CADM2: variants seen among roughly 807,000 people sequenced by gnomAD.
CADM2 encodes the protein cell adhesion molecule 2.
CADM2 carries 12 observed loss-of-function variants against 49.8 expected under a neutral mutation model. That is an observed-to-expected ratio of 0.24 (90% CI 0.15 to 0.39). The LOEUF is 0.39. Among genes scored for constraint, CADM2 ranks in the 10% least tolerant of loss-of-function variants. The pLI is 1.00. For missense variants in CADM2, 378 were observed against 492.3 expected, an observed-to-expected ratio of 0.77 and a Z score of 2.20; for synonymous variants, 214 against 175.4, an observed-to-expected ratio of 1.22 and a Z score of -1.74.
chr3:84,982,447 G>T (rs1023303019), intron 1 of CADM2, among the ~76,000 whole-genome samples: 1 of 151,632 alleles, frequency 6.6e-6, no homozygotes, highest in Non-Finnish European at 1.5e-5. Context: ...AAAAACCTAA[G>T]ATCAGTATTT....
intron 7 of CADM2, 56 bp from the exon 8 acceptor site, chr3:85,961,413 A>G: frequency 1.5e-6 from 2 of 1,358,350 alleles, no homozygotes; most frequent in Non-Finnish European, 2.0e-6. Flanking sequence ...TACTAAATTT[A>G]CACATATTTA....
At chr3:85,979,346 T>C in intron 8 of CADM2, 1 of 1,553,968 alleles carries the variant, frequency 6.4e-7, no homozygotes, top group East Asian at 2.3e-5. Context: ...TAGAAGTTTT[T>C]AGAAAGGTTA....
chr3:85,430,938 C>A (rs561270375), intron 1 of CADM2, among the ~76,000 whole-genome samples: 15 of 151,936 alleles, frequency 9.9e-5, no homozygotes, highest in African/African-American at 2.9e-4. Context: ...AAAATAGGAA[C>A]GATGTGATTA....
chr3:85,005,778 G>T (rs1042417111), intron 1 of CADM2, among the ~76,000 whole-genome samples: 18 of 151,666 alleles, frequency 1.2e-4, no homozygotes, highest in Non-Finnish European at 2.4e-4. Flanking sequence ...GGGCACTCTT[G>T]TTATTTTTCT....
At chr3:85,853,176 A>T (rs996844589) in intron 3 of CADM2, among the ~76,000 whole-genome samples, 2 of 151,930 alleles carry the variant, frequency 1.3e-5, no homozygotes, top group Non-Finnish European at 2.9e-5. Flanking sequence ...GAAGTTCTAG[A>T]TGACTGAGCA....
intron 1 of CADM2, among the ~76,000 whole-genome samples, chr3:85,209,896 A>G (rs1480673176): frequency 6.6e-6 from 1 of 152,228 alleles, no homozygotes; most frequent in Non-Finnish European, 1.5e-5. Flanking sequence ...ATAAAACTCA[A>G]AATAGCAGAG....
Position 85,899,471 on chromosome 3 carries a change from T to A in CADM2, c.530-12902T>A, listed in dbSNP as rs376527326. 5.9e-5 allele frequency among the ~76,000 whole-genome samples: 9 copies of A among 152,266 alleles called. 1 individual carries two copies. The East Asian group carries it at 1.4e-3, about 23-fold the overall frequency. ...TATTTTCGGGTCAGTTTCCATTGAT[T>A]GATTTATTTCCTCATTGTAGACAGC... On this transcript the variant is annotated intron_variant, in intron 5 of 9. Transcript: ENST00000383699.
chr3:86,005,832 C>A (rs898273994), intron 8 of CADM2, among the ~76,000 whole-genome samples: 4 of 151,946 alleles, frequency 2.6e-5, no homozygotes, highest in African/African-American at 9.7e-5. Context: ...TTTTTTGTAC[C>A]CATTAACTAC....
chr3:85,798,628 A>G (rs1278204728), intron 2 of CADM2, among the ~76,000 whole-genome samples: 1 of 151,902 alleles, frequency 6.6e-6, no homozygotes, highest in East Asian at 1.9e-4. Flanking sequence ...ATTGCTCTAT[A>G]TTTCTGTTTT....
At chr3:85,830,724 CT>C (rs2074145194) in intron 3 of CADM2, among the ~76,000 whole-genome samples, 3 of 151,626 alleles carry the variant, frequency 2.0e-5, no homozygotes, top group Non-Finnish European at 2.9e-5. Flanking sequence ...CTTTTGCATG[CT>C]AATATCCAGT....
intron 1 of CADM2, among the ~76,000 whole-genome samples, chr3:85,198,797 C>G (rs1197567025): frequency 6.6e-6 from 1 of 151,688 alleles, no homozygotes; most frequent in East Asian, 1.9e-4. Context: ...TGTTATGTCT[C>G]CAGTTTTTTT....
chr3:85,093,751 A>G (rs1217929611), intron 1 of CADM2, among the ~76,000 whole-genome samples: 4 of 152,062 alleles, frequency 2.6e-5, no homozygotes, highest in African/African-American at 9.7e-5. Context: ...TCCTACATCC[A>G]CTGTACTCTA....
rs1213822550 is a variant in CADM2, at chr3:85,978,636, T to G, written c.970+16989T>G. Among the ~76,000 whole-genome samples the G allele has an allele frequency of 2.0e-5, 3 of 151,644 alleles. No individual in the cohort carries two copies. The East Asian group carries it at 5.8e-4, about 30-fold the overall frequency. On this transcript the variant is annotated intron_variant, in intron 8 of 9. Coordinates refer to ENST00000383699, the MANE Select transcript of CADM2 (RefSeq NM_001167675.2). ...ATAACAATAATAATAACAATTGGCTTCTTTTGTTTGTTTGTTTCTAAAGAT... is the reference window on the plus strand; with the variant it reads ...ATAACAATAATAATAACAATTGGCTGCTTTTGTTTGTTTGTTTCTAAAGAT...
intron 1 of CADM2, among the ~76,000 whole-genome samples, chr3:85,712,196 T>A (rs907664169): frequency 1.3e-5 from 2 of 152,306 alleles, no homozygotes; most frequent in African/African-American, 4.8e-5. Context: ...AAAACTAATT[T>A]ATTGCTTTGT....
intron 1 of CADM2, among the ~76,000 whole-genome samples, chr3:85,060,562 CTTT>C (rs1284349661): frequency 1.3e-5 from 2 of 152,100 alleles, no homozygotes; most frequent in African/African-American, 4.8e-5. Flanking sequence ...TTATTTTAAG[CTTT>C]AAGTATTTTT....
intron 1 of CADM2, among the ~76,000 whole-genome samples, chr3:85,615,987 A>C (rs1371906054): frequency 6.6e-6 from 1 of 151,974 alleles, no homozygotes; most frequent in Non-Finnish European, 1.5e-5. Flanking sequence ...TAATGTGTTG[A>C]ATGAGATGGC....
At chr3:85,730,757 T>C (rs1399339357) in intron 2 of CADM2, among the ~76,000 whole-genome samples, 1 of 152,200 alleles carries the variant, frequency 6.6e-6, no homozygotes, top group Non-Finnish European at 1.5e-5. Context: ...GTTACAATTT[T>C]TTAAATAGCT....
At chr3:85,354,401 C>T (rs1005504903) in intron 1 of CADM2, among the ~76,000 whole-genome samples, 19 of 149,968 alleles carry the variant, frequency 1.3e-4, no homozygotes, top group Non-Finnish European at 2.5e-4. Context: ...ACACCTAATG[C>T]TAAATGACGA....
rs912783762 is a variant in CADM2, at chr3:85,590,737, A to C, written c.62-135785A>C. ...GATTTGCTAAGAACAAAATGAATAA[A>C]CTCTATGAAATATAAATTAGTCTAT... On this transcript the variant is annotated intron_variant, in intron 1 of 9. Coordinates refer to ENST00000383699, the MANE Select transcript of CADM2 (RefSeq NM_001167675.2). 1.3e-4 allele frequency among the ~76,000 whole-genome samples: 20 copies of C among 151,856 alleles called. 1 individual carries two copies. The highest frequency in any genetic ancestry group is 4.8e-4 in the African/African-American group (20 of 41,386).
Sources: gnomAD v4.1 joint callset for allele counts (sites outside exome capture counted in the v4.1 genomes callset) on GRCh38, gnomAD v4.1.1 for gene constraint, MANE v1.5 for transcripts, NCBI Gene and HGNC (gene_info 2026-07-23, HGNC 2026-07-21) for gene names.